The following RNF220 variants were observed in gnomAD, a reference collection of about 807,000 sequenced individuals.
The protein encoded by RNF220 is ring finger protein 220.
Under a neutral mutation model 67.1 loss-of-function variants are expected in RNF220, and 7 were observed. The ratio of observed to expected loss-of-function variants is 0.10; its 90% CI spans 0.06 to 0.20. The LOEUF (loss-of-function observed/expected upper bound fraction) is 0.20. Among genes scored for constraint, RNF220 ranks in the 10% least tolerant of loss-of-function variants. RNF220 has a pLI of 1.00. For synonymous variants in RNF220, 270 were observed against 283.2 expected (o/e 0.95, Z 0.47); for missense variants, 565 against 740.3 (o/e 0.76, Z 2.75).
intron 3 of RNF220, among the ~76,000 whole-genome samples, chr1:44,615,264 C>T (rs1203932915): frequency 6.6e-6 from 1 of 152,176 alleles, no homozygotes; most frequent in Non-Finnish European, 1.5e-5. Flanking sequence ...CTTTTATAAC[C>T]TAGCCTGAAA....
chr1:44,498,003 C>T (rs577405540), intron 2 of RNF220, among the ~76,000 whole-genome samples: 203 of 152,346 alleles, frequency 1.3e-3, no homozygotes, highest in African/African-American at 4.6e-3. Flanking sequence ...AAAGCCTGGC[C>T]TGGCCAAGTA....
At chr1:44,512,456 A>T (rs1659086466) in intron 2 of RNF220, among the ~76,000 whole-genome samples, 1 of 152,132 alleles carries the variant, frequency 6.6e-6, no homozygotes, top group South Asian at 2.1e-4. Context: ...TGGGACCTAG[A>T]AGGGAGGTGA....
chr1:44,411,590 T>G (rs1367039886), intron 1 of RNF220, among the ~76,000 whole-genome samples: 1 of 152,210 alleles, frequency 6.6e-6, no homozygotes, highest in African/African-American at 2.4e-5. Flanking sequence ...ACATCAGGCC[T>G]GCCATGAGTG....
intron 2 of RNF220, among the ~76,000 whole-genome samples, chr1:44,566,559 A>T (rs563546437): frequency 4.0e-4 from 51 of 127,822 alleles, no homozygotes; most frequent in Non-Finnish European, 7.7e-4. Flanking sequence ...CCTTTCTAGA[A>T]ATGACCTAGG....
chr1:44,433,010 A>G (rs984885216), intron 2 of RNF220, among the ~76,000 whole-genome samples: 1 of 150,750 alleles, frequency 6.6e-6, no homozygotes, highest in African/African-American at 2.4e-5. Context: ...GCTCACTACA[A>G]CCTCCGCCTT....
At chr1:44,586,384 C>T (rs184639157) in intron 2 of RNF220, among the ~76,000 whole-genome samples, 120 of 152,174 alleles carry the variant, frequency 7.9e-4, no homozygotes, top group African/African-American at 2.7e-3. Context: ...ACAAGGTCCC[C>T]GGATCAGGTC....
intron 2 of RNF220, among the ~76,000 whole-genome samples, chr1:44,479,771 G>A (rs901830637): frequency 2.0e-5 from 3 of 152,222 alleles, no homozygotes; most frequent in Non-Finnish European, 2.9e-5. Flanking sequence ...CAAATTCTGG[G>A]TTCTCTATAT....
intron 2 of RNF220, among the ~76,000 whole-genome samples, chr1:44,512,749 G>A (rs1216191049): frequency 2.0e-5 from 3 of 152,332 alleles, no homozygotes; most frequent in South Asian, 2.1e-4. Context: ...GCCTGGCCAA[G>A]CGGAGGGGTG....
At chr1:44,505,223 C>T (rs935436425) in intron 2 of RNF220, among the ~76,000 whole-genome samples, 4 of 152,218 alleles carry the variant, frequency 2.6e-5, no homozygotes, top group African/African-American at 9.6e-5. Context: ...TGCTCTTTAC[C>T]ACACTGTATC....
At chr1:44,411,025 G>A (rs1485424492) in intron 1 of RNF220, among the ~76,000 whole-genome samples, 4 of 152,174 alleles carry the variant, frequency 2.6e-5, no homozygotes, top group Admixed American at 6.6e-5. Context: ...CTCTGACTGG[G>A]CCAATAAGCA....
intron 2 of RNF220, among the ~76,000 whole-genome samples, chr1:44,492,156 C>A (rs1339242518): frequency 6.6e-6 from 1 of 152,060 alleles, no homozygotes; most frequent in East Asian, 1.9e-4. Context: ...TTGGCAAACC[C>A]ACGAAAAATA....
At chr1:44,459,473 T>TACTGCATTTGAGATA (rs1553223415) in intron 2 of RNF220, among the ~76,000 whole-genome samples, 1 of 144,140 alleles carries the variant, frequency 6.9e-6, no homozygotes, top group African/African-American at 2.5e-5. Flanking sequence ...AAAACTGGTA[T>TACTGCATTTGAGATA]ACTGCATTTG....
chr1:44,442,398 C>T (rs1223662188), intron 2 of RNF220, among the ~76,000 whole-genome samples: 2 of 152,092 alleles, frequency 1.3e-5, no homozygotes, highest in Non-Finnish European at 2.9e-5. Flanking sequence ...TCTCCTCAGC[C>T]TCCTAAAGTG....
chr1:44,507,730 T>G lies in RNF220; in HGVS notation c.625+95008T>G, dbSNP rs984281103. Reference sequence around the variant, plus strand: ...CAGCAGTTGGTGGTGAGCAGTGAAGTGGCCGGTGTGGGCGGCTTGGGCGCT... The same window carrying G: ...CAGCAGTTGGTGGTGAGCAGTGAAGGGGCCGGTGTGGGCGGCTTGGGCGCT... On this transcript the variant is annotated intron_variant, in intron 2 of 14. Transcript: ENST00000361799. Among the ~76,000 whole-genome samples, 12 of 152,238 alleles carry G rather than the reference T, an allele frequency of 7.9e-5. No individual in the cohort carries two copies. In the East Asian group the frequency reaches 1.4e-3, roughly 17 times the overall value.
At chr1:44,498,381 C>T (rs1396990998) in intron 2 of RNF220, among the ~76,000 whole-genome samples, 4 of 152,154 alleles carry the variant, frequency 2.6e-5, no homozygotes, top group African/African-American at 9.7e-5. Context: ...ACTACACAAG[C>T]TCCCTGACTC....
chr1:44,580,030 C>CAAAAAAAAAAAAAAAAAAAAAAAAAAAA (rs61499825), intron 2 of RNF220, among the ~76,000 whole-genome samples: 10 of 65,238 alleles, frequency 1.5e-4, no homozygotes, highest in East Asian at 5.5e-4. Flanking sequence ...CCCTGTCTCA[C>CAAAAAAAAAAAAAAAAAAAAAAAAAAAA]AAAAAAAAAA....
chr1:44,421,048 G>A (rs1204637297), intron 2 of RNF220, among the ~76,000 whole-genome samples: 1 of 152,176 alleles, frequency 6.6e-6, no homozygotes, highest in Non-Finnish European at 1.5e-5. Context: ...TTTCTGTGAT[G>A]GCCAGCTGCT....
At chr1:44,477,205 A>C (rs1003732670) in intron 2 of RNF220, among the ~76,000 whole-genome samples, 1 of 152,256 alleles carries the variant, frequency 6.6e-6, no homozygotes, top group African/African-American at 2.4e-5. Flanking sequence ...CTAGCAGTCC[A>C]GTATCCACCA....
chr1:44,592,538 G>GAGCCT (rs1666193501), intron 2 of RNF220, among the ~76,000 whole-genome samples: 1 of 152,210 alleles, frequency 6.6e-6, no homozygotes. Flanking sequence ...TGGGCTCCCA[G>GAGCCT]GTTGGCAGCC....
Sources: gnomAD v4.1 joint callset for allele counts (sites outside exome capture counted in the v4.1 genomes callset) on GRCh38, gnomAD v4.1.1 for gene constraint, MANE v1.5 for transcripts, NCBI Gene and HGNC (gene_info 2026-07-23, HGNC 2026-07-21) for gene names.